Variants in NOL6 observed in about 807,000 individuals in gnomAD.
NOL6 encodes the protein nucleolar protein 6.
A neutral mutation model predicts 131.7 loss-of-function variants in NOL6; 33 were observed. That is an observed-to-expected ratio of 0.25 (90% CI 0.19 to 0.33). The LOEUF is 0.33. Among genes scored for constraint, NOL6 ranks in the 10% least tolerant of loss-of-function variants. The probability of loss-of-function intolerance (pLI) is 1.00; values close to 1 mark genes in which losing one functional copy is unlikely to be tolerated. For missense variants in NOL6, 1,297 were observed against 1,494.5 expected, an observed-to-expected ratio of 0.87 and a Z score of 2.18; for synonymous variants, 580 against 605.7, an observed-to-expected ratio of 0.96 and a Z score of 0.62.
rs1316064473 is a variant in NOL6, at chr9:33,466,727, G to A, written c.1951-18C>T. On this transcript the variant is annotated intron_variant, in intron 15 of 25. Coordinates refer to ENST00000297990, the MANE Select transcript of NOL6 (RefSeq NM_022917.5). The stretch of plus-strand genomic sequence containing the variant: ...CTGGAGGTCTGAGAGGGAGAAGACG[G>A]TCAGGAGGCTGGACCCTACAGAAGG... The A allele has an allele frequency of 6.2e-7, 1 of 1,613,054 alleles. No individual in the cohort carries two copies. The highest frequency in any genetic ancestry group is 8.5e-7 in the Non-Finnish European group (1 of 1,179,806).
At chr9:33,462,981 C>T (rs1827138915) in intron 25 of NOL6, 52 bp downstream of exon 25, 12 of 1,572,824 alleles carry the variant, frequency 7.6e-6, no homozygotes, top group Non-Finnish European at 1.0e-5. Context: ...TGCATGCCCA[C>T]ACAGAACCAC....
chr9:33,467,600 C>G lies in NOL6; in HGVS notation c.1603-84G>C. On this transcript the variant is annotated intron_variant, in intron 12 of 25. Coordinates refer to ENST00000297990, the MANE Select transcript of NOL6 (RefSeq NM_022917.5). This position sits in a 1 kb window ranked among gnomAD's most constrained non-coding sequence, Gnocchi z 4.4. ...CTACTTTCTAGCTAGCTAGAAACGC[C>G]TAGCTGGAGGAATGGTGTGTCCTTT... 2 of 1,579,392 alleles carry G rather than the reference C, an allele frequency of 1.3e-6. No individual in the cohort carries two copies. The highest frequency in any genetic ancestry group is 2.3e-5 in the South Asian group (2 of 85,944).
At position 33,472,368 on chromosome 9, in the gene NOL6, T is replaced by C. The variant is rs1254616368; in HGVS notation, c.99A>G (p.Lys33=). 1.2e-6 allele frequency: 2 copies of C among 1,614,186 alleles called. No individual in the cohort carries two copies. Among genetic ancestry groups the C allele is most frequent in the Non-Finnish European group, 1.7e-6 (2 of 1,180,038 alleles). ...CCAATGTACGCTTCCTGGAGGATGCTTTCTTCCCCTCTTTGCCTGTGCCTT... is the reference window on the plus strand; with the variant it reads ...CCAATGTACGCTTCCTGGAGGATGCCTTCTTCCCCTCTTTGCCTGTGCCTT... ...ALEGTGKEGK[K]ASSRKRTLAE... Residue 33 remains lysine (K), a synonymous_variant, in exon 2 of 26, where the codon AAA becomes AAG. Coordinates refer to ENST00000297990, the MANE Select transcript of NOL6 (RefSeq NM_022917.5).
In NOL6 at chr9:33,467,166, T is replaced by C. The variant is rs1827270122; in HGVS notation, c.1822A>G (p.Met608Val). ...REAVVWEAAS[M>V]SQKRLIPHQV... ...TGGGGAATAAGGCGCTTCTGGGACA[T>C]AGAGGCTGCCTCCCAGACCACAGCT... Residue 608 changes from methionine (M) to valine (V), a missense_variant, in exon 14 of 26, where the codon ATG becomes GTG. Met to Val is a conservative substitution (Grantham distance 21, BLOSUM62 1). Coordinates refer to ENST00000297990, the MANE Select transcript of NOL6 (RefSeq NM_022917.5). The surrounding 1 kb of genome is among the most constrained non-coding windows in gnomAD (Gnocchi z 4.4). 2 of 1,614,080 alleles carry C rather than the reference T, an allele frequency of 1.2e-6. No individual in the cohort carries two copies. Among genetic ancestry groups the C allele is most frequent in the Non-Finnish European group, 1.7e-6 (2 of 1,180,026 alleles).
At chr9:33,468,591 G>T (rs771664249) in intron 8 of NOL6, 25 bp from the exon 9 acceptor site, 1 of 1,613,510 alleles carries the variant, frequency 6.2e-7, no homozygotes, top group Non-Finnish European at 8.5e-7. Context: ...AAGTGTATTA[G>T]AAGGTATCCC....
In NOL6 at chr9:33,462,659, T is replaced by A. The variant is rs770086050; in HGVS notation, c.*5A>T. On this transcript the variant is annotated 3_prime_UTR_variant, in exon 26 of 26. Transcript: ENST00000297990. ...GTCCGTCTACAGCTTGCTCCAGAGC[T>A]GGGATCACACAGTCCACCTCTCACT... 1 of 1,613,972 alleles carries A rather than the reference T, an allele frequency of 6.2e-7. No homozygotes were observed. The highest frequency in any genetic ancestry group is 1.1e-5 in the South Asian group (1 of 91,056).
chr9:33,467,127 G>A lies in NOL6; in HGVS notation c.1861C>T (p.His621Tyr). 3 of 1,614,216 alleles carry A rather than the reference G, an allele frequency of 1.9e-6. No homozygotes were observed. Among genetic ancestry groups the A allele is most frequent in the Non-Finnish European group, 1.7e-6 (2 of 1,180,046 alleles). Reference sequence around the variant, plus strand: ...GCCAACACTCACAGTGCCAAGAGGTGGGTGACCACCTGGTGGGGAATAAGG... The same window carrying A: ...GCCAACACTCACAGTGCCAAGAGGTAGGTGACCACCTGGTGGGGAATAAGG... ...KRLIPHQVVT[H>Y]LLALHADIPE... The change falls in exon 14 of 26, where the codon CAC becomes TAC. Residue 621 changes from histidine to tyrosine, a missense_variant. Physicochemically the swap from His to Tyr is moderately conservative, Grantham distance 83. Transcript: ENST00000297990. The surrounding 1 kb of genome is among the most constrained non-coding windows in gnomAD (Gnocchi z 4.4).
At chr9:33,466,847 G>A in intron 15 of NOL6, 65 bp downstream of exon 15, 1 of 1,560,370 alleles carries the variant, frequency 6.4e-7, no homozygotes, top group Non-Finnish European at 8.7e-7. Context: ...GGCCAAGGCT[G>A]AGAGGACTCT....
Position 33,462,493 on chromosome 9 carries a change from C to G in NOL6, c.*171G>C. ...CCATGCCCCTGCCCCAATGCTGGAG[C>G]ATCAGAGAGAAAGTTGGGGCTGGGT... On this transcript the variant is annotated 3_prime_UTR_variant, in exon 26 of 26. Coordinates refer to ENST00000297990, the MANE Select transcript of NOL6 (RefSeq NM_022917.5). The G allele has an allele frequency of 8.3e-6, 6 of 720,058 alleles. No homozygotes were observed. Among genetic ancestry groups the G allele is most frequent in the Non-Finnish European group, 1.4e-5 (6 of 438,642 alleles). The allele number at this position is 720,058 out of a possible 1,614,324, so 44.6% of individuals were successfully genotyped here.
Position 33,467,179 on chromosome 9 carries a change from C to A in NOL6, c.1809G>T (p.Trp603Cys). 6.2e-7 allele frequency: 1 copy of A among 1,614,186 alleles called. No homozygotes were observed. The highest frequency in any genetic ancestry group is 8.5e-7 in the Non-Finnish European group (1 of 1,180,044). The change falls in exon 14 of 26, where the codon TGG becomes TGT. Residue 603 changes from tryptophan (W) to cysteine (C), a missense_variant. Transcript: ENST00000297990. This position sits in a 1 kb window ranked among gnomAD's most constrained non-coding sequence, Gnocchi z 4.4. The part of the protein sequence containing the change: ...QDGAIREAVV[W>C]EAASMSQKRL... ...GCTTCTGGGACATAGAGGCTGCCTC[C>A]CAGACCACAGCTTCCCGAATGGCTC...
rs773953228 is a variant in NOL6 at position 33,473,859 on chromosome 9, C to A, written c.-17G>T. 1 of 1,594,542 alleles carries A rather than the reference C, an allele frequency of 6.3e-7. No homozygotes were observed. The highest frequency in any genetic ancestry group is 8.5e-7 in the Non-Finnish European group (1 of 1,179,774). On this transcript the variant is annotated 5_prime_UTR_variant, in exon 1 of 26. Transcript: ENST00000297990. ...CGGCCCCATCACTCAGGGTCCAGCA[C>A]TCTCCCGCACTTCAGATTCTAGCCG...
At position 33,468,790 on chromosome 9, in the gene NOL6, C is replaced by G. The variant is rs1228801551; in HGVS notation, c.1109G>C (p.Ser370Thr). ...GACACTTCTCAGGACCTGGTAGCCA[C>G]TCATGGTGGTATGGATCTTGCGTGT... is the stretch of plus-strand genomic sequence containing the variant. ...VSTRKIHTTMSGYQVLRSVLQ... is the reference protein window; with the variant it reads ...VSTRKIHTTMTGYQVLRSVLQ... Residue 370 changes from serine to threonine, a missense_variant, in exon 8 of 26, where the codon AGT (serine) becomes ACT (threonine). Coordinates refer to ENST00000297990, the MANE Select transcript of NOL6 (RefSeq NM_022917.5). 1.2e-6 allele frequency: 2 copies of G among 1,614,090 alleles called. No individual in the cohort carries two copies. Among genetic ancestry groups the G allele is most frequent in the African/African-American group, 2.7e-5 (2 of 74,924 alleles).
In NOL6 at chr9:33,464,310, G is replaced by GT. The variant is rs1827183018; in HGVS notation, c.2780-150_2780-149insA. The GT allele has an allele frequency of 1.2e-4, 126 of 1,032,764 alleles. No homozygotes were observed. In the South Asian group the frequency reaches 2.1e-3, roughly 17 times the overall value. The allele number at this position is 1,032,764 out of a possible 1,614,324, so 64.0% of individuals were successfully genotyped here. On this transcript the variant is annotated intron_variant, in intron 21 of 25. Transcript: ENST00000297990. ...CACCAAGTGGCAAAGGTGACGAAAG[G>GT]GACATCGCATTTGCCTCAACTGGGT... is the stretch of plus-strand genomic sequence containing the variant.
At position 33,463,338 on chromosome 9, in the gene NOL6, AAGGAGGCAGCTGGCG is replaced by A; in HGVS notation, c.3083_3097del (p.Ser1028_Ser1032del). On this transcript the variant is annotated inframe_deletion, in exon 24 of 26. Transcript: ENST00000297990. Reference sequence around the variant, plus strand: ...CGGCTGGCTGAGCAGGCCCCGGCAGAAGGAGGCAGCTGGCGAGTCCACAGCCTGGCGGTGCCGCGG... The same window carrying A: ...CGGCTGGCTGAGCAGGCCCCGGCAGAAGTCCACAGCCTGGCGGTGCCGCGG... 6.2e-7 allele frequency: 1 copy of A among 1,614,122 alleles called. No homozygotes were observed. Among genetic ancestry groups the A allele is most frequent in the Non-Finnish European group, 8.5e-7 (1 of 1,179,998 alleles).
intron 4 of NOL6, 66 bp downstream of exon 4, chr9:33,469,944 GAA>G: frequency 6.9e-6 from 10 of 1,445,320 alleles, no homozygotes; most frequent in Non-Finnish European, 9.3e-6. Flanking sequence ...CGGCAGATAA[GAA>G]AGAGGGATCC....
Position 33,463,261 on chromosome 9 carries a change from G to C in NOL6, c.3175C>G (p.Leu1059Val). 1.2e-6 allele frequency: 2 copies of C among 1,613,634 alleles called. No individual in the cohort carries two copies. Among genetic ancestry groups the C allele is most frequent in the Non-Finnish European group, 8.5e-7 (1 of 1,179,602 alleles). ...TTAGGACCAACCCTGAGCTGCGTCA[G>C]ATAGAGCTGAGGAGGATCATAGCCC... Reference protein sequence around the residue: ...VLGYDPPQLYLTQLREAFGDL... With the variant: ...VLGYDPPQLYVTQLREAFGDL... Residue 1059 changes from leucine to valine, a missense_variant, in exon 24 of 26, where the codon CTG becomes GTG. Physicochemically the swap from Leu to Val is conservative, Grantham distance 32 (BLOSUM62 1). Coordinates refer to ENST00000297990, the MANE Select transcript of NOL6 (RefSeq NM_022917.5).
rs1827113045 is a variant in NOL6, at chr9:33,462,212, T to C, written c.*452A>G. 1.4e-6 allele frequency: 1 copy of C among 717,148 alleles called. No individual in the cohort carries two copies. The highest frequency in any genetic ancestry group is 1.7e-5 in the African/African-American group (1 of 57,208). The allele number at this position is 717,148 out of a possible 1,614,324, so 44.4% of individuals were successfully genotyped here. A position where few individuals can be genotyped will look rare whatever the true frequency, so the allele number is the denominator to read the frequency against. ...AGGGCCACATTTTCGCTGGGTCCCA[T>C]CTAAAGGCCTGACACTGCAGTGAAG... On this transcript the variant is annotated 3_prime_UTR_variant, in exon 26 of 26. Coordinates refer to ENST00000297990, the MANE Select transcript of NOL6 (RefSeq NM_022917.5).
Position 33,462,302 on chromosome 9 carries a change from A to G in NOL6, c.*362T>C, listed in dbSNP as rs924341336. The G allele has an allele frequency of 2.8e-6, 2 of 705,902 alleles. No homozygotes were observed. Among genetic ancestry groups the G allele is most frequent in the African/African-American group, 1.8e-5 (1 of 57,120 alleles). 43.7% of individuals were successfully genotyped at this position (705,902 alleles called of 1,614,324 possible). Reference sequence around the variant, plus strand: ...GAGACAGAGCCTCTCCCAGGCACACATCCCCTTCTCTGTTTCTGGAAGAAG... The same window carrying G: ...GAGACAGAGCCTCTCCCAGGCACACGTCCCCTTCTCTGTTTCTGGAAGAAG... On this transcript the variant is annotated 3_prime_UTR_variant, in exon 26 of 26. Transcript: ENST00000297990.
At chr9:33,463,808 G>A in intron 23 of NOL6, 23 bp downstream of exon 23, 3 of 1,611,326 alleles carry the variant, frequency 1.9e-6, no homozygotes, top group Non-Finnish European at 2.5e-6. Context: ...AGGCCCTGGA[G>A]TCACTGCTGG....
Sources: allele counts gnomAD v4.1 joint callset, GRCh38; gene constraint gnomAD v4.1.1; non-coding constraint Gnocchi (gnomAD v3.1); transcripts MANE v1.5; gene names NCBI Gene and HGNC (gene_info 2026-07-23, HGNC 2026-07-21).